Variants in TAOK1 observed in about 807,000 individuals in gnomAD.
The protein encoded by TAOK1 is TAO kinase 1.
In TAOK1, 21 loss-of-function variants were observed where a neutral mutation model predicts 138.3. The observed-to-expected ratio is 0.15, with a 90% CI of 0.11 to 0.22. The LOEUF (loss-of-function observed/expected upper bound fraction) is 0.22. TAOK1 is among the 10% of genes least tolerant of loss of function. TAOK1 has a pLI of 1.00. For missense variants in TAOK1, 651 were observed against 1,227.7 expected, an observed-to-expected ratio of 0.53 and a Z score of 7.02; for synonymous variants, 361 against 398.4, an observed-to-expected ratio of 0.91 and a Z score of 1.12.
At chr17:29,460,912 C>T (rs1432791920) in intron 2 of TAOK1, among the ~76,000 whole-genome samples, 2 of 151,960 alleles carry the variant, frequency 1.3e-5, no homozygotes, top group Non-Finnish European at 2.9e-5. Flanking sequence ...AGATAAAGGG[C>T]GCATGTGGTA....
Position 29,402,726 on chromosome 17 carries a change from A to G in TAOK1, c.-95+11702A>G, listed in dbSNP as rs1000837543. On this transcript the variant is annotated intron_variant, in intron 1 of 19. Transcript: ENST00000261716. ...CATAAAATTATTATGTGACTAATTA[A>G]GTATATTAAGTATATTTTAAAAATG... Among the ~76,000 whole-genome samples, 11 of 152,220 alleles carry G rather than the reference A, an allele frequency of 7.2e-5. No homozygotes were observed. The East Asian group carries it at 2.1e-3, about 29-fold the overall frequency.
intron 16 of TAOK1, 60 bp downstream of exon 16, chr17:29,517,716 T>A: frequency 6.7e-7 from 1 of 1,496,378 alleles, no homozygotes; most frequent in Non-Finnish European, 9.0e-7. Context: ...CCTGAAAATA[T>A]TCCAATTCCA....
At chr17:29,484,480 G>A (rs764917354) in intron 8 of TAOK1, among the ~76,000 whole-genome samples, 4 of 152,196 alleles carry the variant, frequency 2.6e-5, no homozygotes, top group Non-Finnish European at 4.4e-5. Context: ...TCAGCTAAAG[G>A]AGTGAATTTT....
chr17:29,481,174 A>G (rs955984387), intron 7 of TAOK1, among the ~76,000 whole-genome samples: 1 of 151,658 alleles, frequency 6.6e-6, no homozygotes, highest in African/African-American at 2.4e-5. Context: ...AGTAAAATTC[A>G]ATCTTTTAAG....
At chr17:29,524,352 T>C (rs748371513) in intron 17 of TAOK1, among the ~76,000 whole-genome samples, 13 of 152,190 alleles carry the variant, frequency 8.5e-5, no homozygotes, top group Non-Finnish European at 1.5e-4. Flanking sequence ...CTGAAAGTCA[T>C]ACCGTAAATC....
At chr17:29,540,660 T>C (rs938972048) in intron 19 of TAOK1, among the ~76,000 whole-genome samples, 1 of 152,148 alleles carries the variant, frequency 6.6e-6, no homozygotes, top group Non-Finnish European at 1.5e-5. Flanking sequence ...AACCTCCGCC[T>C]CCTAGGTTCA....
chr17:29,475,461 G>A (rs1280578723), intron 3 of TAOK1, among the ~76,000 whole-genome samples: 1 of 152,050 alleles, frequency 6.6e-6, no homozygotes, highest in Non-Finnish European at 1.5e-5. Context: ...GATCACTTGA[G>A]CCCACAAGAT....
At chr17:29,491,710 C>A in intron 9 of TAOK1, 74 bp from the exon 10 acceptor site, 1 of 1,016,290 alleles carries the variant, frequency 9.8e-7, no homozygotes, top group Non-Finnish European at 1.6e-6. Flanking sequence ...CACCAATAGG[C>A]ACGTGTCTTG....
chr17:29,417,656 G>A (rs901077056), intron 1 of TAOK1, among the ~76,000 whole-genome samples: 3 of 152,070 alleles, frequency 2.0e-5, no homozygotes, highest in Non-Finnish European at 2.9e-5. Context: ...TCCTCTTTTT[G>A]TGTCTACTTG....
At chr17:29,442,293 A>T (rs571976133) in intron 1 of TAOK1, among the ~76,000 whole-genome samples, 3 of 150,564 alleles carry the variant, frequency 2.0e-5, no homozygotes, top group Admixed American at 1.3e-4. Flanking sequence ...TTGTTTTCCC[A>T]CCTAGGCCTC....
intron 7 of TAOK1, 106 bp from the exon 8 acceptor site, chr17:29,482,091 G>T: frequency 1.3e-6 from 1 of 753,232 alleles, no homozygotes. Context: ...CAGATATATT[G>T]GCTAGAATTC....
intron 1 of TAOK1, among the ~76,000 whole-genome samples, chr17:29,406,470 G>C (rs1316737761): frequency 1.3e-5 from 2 of 152,134 alleles, no homozygotes; most frequent in East Asian, 3.8e-4. Flanking sequence ...TATGTGATTT[G>C]GGATGGGTAT....
intron 1 of TAOK1, among the ~76,000 whole-genome samples, chr17:29,430,225 G>C (rs1319115085): frequency 6.6e-6 from 1 of 152,166 alleles, no homozygotes; most frequent in Non-Finnish European, 1.5e-5. Context: ...TCCACAGTGT[G>C]GGAGCAGACC....
At chr17:29,412,095 T>G (rs1315910112) in intron 1 of TAOK1, among the ~76,000 whole-genome samples, 1 of 151,878 alleles carries the variant, frequency 6.6e-6, no homozygotes, top group Non-Finnish European at 1.5e-5. Flanking sequence ...CAGGCTGGAG[T>G]GCTGTTGTGC....
chr17:29,401,134 C>T (rs1904827630), intron 1 of TAOK1, among the ~76,000 whole-genome samples: 1 of 151,992 alleles, frequency 6.6e-6, no homozygotes, highest in African/African-American at 2.4e-5. Flanking sequence ...AGGATGGTCT[C>T]AAATTCCTGA....
At chr17:29,493,983 C>T (rs1011814070) in intron 10 of TAOK1, among the ~76,000 whole-genome samples, 1 of 151,904 alleles carries the variant, frequency 6.6e-6, no homozygotes, top group Non-Finnish European at 1.5e-5. Context: ...GTTACATGAT[C>T]TCAGCTCACT....
chr17:29,501,896 G>C (rs1350320872), intron 12 of TAOK1, among the ~76,000 whole-genome samples: 1 of 152,092 alleles, frequency 6.6e-6, no homozygotes, highest in Non-Finnish European at 1.5e-5. Context: ...AGTTAGCTGG[G>C]CATGGTAGTG....
intron 1 of TAOK1, among the ~76,000 whole-genome samples, chr17:29,397,333 G>A (rs908266533): frequency 1.3e-5 from 2 of 151,296 alleles, no homozygotes; most frequent in African/African-American, 2.4e-5. Context: ...GCTGGGTGCC[G>A]TGGCTCACGC....
At chr17:29,442,161 A>C (rs925115106) in intron 1 of TAOK1, among the ~76,000 whole-genome samples, 67 of 149,814 alleles carry the variant, frequency 4.5e-4, no homozygotes, top group African/African-American at 1.5e-3. Context: ...TCCCACCTCA[A>C]CCTCCTCCCA....
Sources: gnomAD v4.1 joint callset for allele counts (sites outside exome capture counted in the v4.1 genomes callset) on GRCh38, gnomAD v4.1.1 for gene constraint, MANE v1.5 for transcripts, NCBI Gene and HGNC (gene_info 2026-07-23, HGNC 2026-07-21) for gene names.